The following TDRD3 variants were observed in gnomAD, a reference collection of about 807,000 sequenced individuals.
TDRD3 encodes tudor domain-containing protein 3.
TDRD3 carries 45 observed loss-of-function variants against 86.7 expected under a neutral mutation model. The ratio of observed to expected loss-of-function variants is 0.52; its 90% CI spans 0.41 to 0.67. TDRD3 has a LOEUF of 0.67. TDRD3 is among the 30% of genes least tolerant of loss of function. TDRD3 has a pLI of 0.00. For missense variants in TDRD3, 814 were observed against 889.0 expected (o/e 0.92, Z 1.07); for synonymous variants, 298 against 301.7 (o/e 0.99, Z 0.13).
chr13:60,514,144 G>A (rs1046486877), intron 10 of TDRD3, among the ~76,000 whole-genome samples: 2 of 152,190 alleles, frequency 1.3e-5, no homozygotes, highest in Middle Eastern at 3.2e-3. Flanking sequence ...TGAGGAATTT[G>A]TTGGGAACTG....
In TDRD3 at chr13:60,529,145, T is replaced by G. The variant is rs911531723; in HGVS notation, c.1920T>G (p.Ser640=). 1 of 1,613,768 alleles carries G rather than the reference T, an allele frequency of 6.2e-7. No individual in the cohort carries two copies. Among genetic ancestry groups the G allele is most frequent in the African/African-American group, 1.3e-5 (1 of 74,924 alleles). ...AGCCAGAAAAAATACTAGAATCATCTATTCCTATGGAGTATGCAAAAATGT... is the reference window on the plus strand; with the variant it reads ...AGCCAGAAAAAATACTAGAATCATCGATTCCTATGGAGTATGCAAAAATGT... ...PIKPEKILES[S]IPMEYAKMWK... is the part of the protein sequence containing the mutation. Residue 640 remains serine, a synonymous_variant, in exon 11 of 14, where the codon TCT becomes TCG. Coordinates refer to ENST00000377881, the MANE Select transcript of TDRD3 (RefSeq NM_001146070.2).
chr13:60,501,584 T>G (rs942971798), intron 8 of TDRD3, among the ~76,000 whole-genome samples: 1 of 152,226 alleles, frequency 6.6e-6, no homozygotes, highest in African/African-American at 2.4e-5. Context: ...TGCTTAAACT[T>G]TCCTACTTGT....
chr13:60,447,199 A>G (rs1243489801), intron 3 of TDRD3, among the ~76,000 whole-genome samples: 8 of 152,208 alleles, frequency 5.3e-5, no homozygotes, highest in Non-Finnish European at 1.2e-4. Flanking sequence ...AATATACAAT[A>G]GACTATTTCA....
intron 10 of TDRD3, among the ~76,000 whole-genome samples, chr13:60,520,820 C>G (rs942886545): frequency 2.6e-5 from 1 of 38,550 alleles, no homozygotes; most frequent in African/African-American, 1.1e-4. Context: ...CAAGGTCACA[C>G]AGCTGCTCAG....
intron 4 of TDRD3, among the ~76,000 whole-genome samples, chr13:60,465,685 T>C (rs1439651953): frequency 6.6e-6 from 1 of 152,172 alleles, no homozygotes; most frequent in Non-Finnish European, 1.5e-5. Flanking sequence ...TTCTTAATAA[T>C]TATTTTATTA....
chr13:60,562,897 A>G (rs1384557592), intron 12 of TDRD3, among the ~76,000 whole-genome samples: 1 of 152,058 alleles, frequency 6.6e-6, no homozygotes, highest in African/African-American at 2.4e-5. Context: ...GCTCTTCACA[A>G]AGTTATGACT....
intron 12 of TDRD3, among the ~76,000 whole-genome samples, chr13:60,556,507 C>T (rs1041179991): frequency 3.9e-5 from 6 of 152,108 alleles, no homozygotes; most frequent in East Asian, 1.9e-4. Context: ...TAATTCTCTA[C>T]AAATTTAGAA....
At chr13:60,483,911 G>A (rs1956372851) in intron 6 of TDRD3, 65 bp downstream of exon 6, 1 of 1,490,954 alleles carries the variant, frequency 6.7e-7, no homozygotes, top group East Asian at 2.3e-5. Context: ...TAGCATTCAA[G>A]CTGTGTTTCA....
At chr13:60,548,700 CACTTTGAA>C (rs1488291837) in intron 12 of TDRD3, among the ~76,000 whole-genome samples, 2 of 152,058 alleles carry the variant, frequency 1.3e-5, no homozygotes, top group Non-Finnish European at 2.9e-5. Flanking sequence ...CAGTAAAATA[CACTTTGAA>C]ATTTACCAAT....
intron 8 of TDRD3, among the ~76,000 whole-genome samples, chr13:60,497,985 G>A (rs770949856): frequency 6.6e-6 from 1 of 151,860 alleles, no homozygotes; most frequent in Non-Finnish European, 1.5e-5. Context: ...TGCAGCTCGG[G>A]GGGTTAAAAA....
chr13:60,439,598 T>A (rs1458654339), intron 1 of TDRD3, 90 bp from the exon 2 acceptor site: 29 of 916,054 alleles, frequency 3.2e-5, no homozygotes, highest in Non-Finnish European at 5.0e-6. Context: ...AGAAGCACTT[T>A]ATAGTAGAAA....
At chr13:60,539,747 T>A (rs1047641585) in intron 12 of TDRD3, among the ~76,000 whole-genome samples, 1 of 151,912 alleles carries the variant, frequency 6.6e-6, no homozygotes, top group African/African-American at 2.4e-5. Flanking sequence ...CTATAAATTA[T>A]TCCATCACTA....
At chr13:60,416,188 C>G (rs999407388) in intron 1 of TDRD3, among the ~76,000 whole-genome samples, 11 of 152,012 alleles carry the variant, frequency 7.2e-5, no homozygotes, top group African/African-American at 2.7e-4. Flanking sequence ...TGACTCTTTT[C>G]AATAATTAAG....
intron 10 of TDRD3, among the ~76,000 whole-genome samples, chr13:60,527,341 A>G (rs1728288283): frequency 6.6e-6 from 1 of 152,182 alleles, no homozygotes; most frequent in Non-Finnish European, 1.5e-5. Flanking sequence ...CTGTAGGCCA[A>G]TGAAGTTAAT....
At chr13:60,473,164 G>A (rs1015980506) in intron 5 of TDRD3, among the ~76,000 whole-genome samples, 2 of 152,168 alleles carry the variant, frequency 1.3e-5, no homozygotes, top group African/African-American at 4.8e-5. Flanking sequence ...CATGGTGGAA[G>A]GACAAGTAAG....
intron 3 of TDRD3, among the ~76,000 whole-genome samples, chr13:60,446,326 G>T (rs1172528544): frequency 6.6e-6 from 1 of 152,028 alleles, no homozygotes; most frequent in African/African-American, 2.4e-5. Context: ...GGGTTCAGTT[G>T]ATTCTCCTGC....
At chr13:60,519,455 A>G (rs1242113704) in intron 10 of TDRD3, among the ~76,000 whole-genome samples, 2 of 152,210 alleles carry the variant, frequency 1.3e-5, no homozygotes, top group African/African-American at 4.8e-5. Context: ...TTTATCAACA[A>G]GAGAGCCATA....
intron 12 of TDRD3, among the ~76,000 whole-genome samples, chr13:60,562,876 A>G (rs1287262644): frequency 6.6e-6 from 1 of 152,092 alleles, no homozygotes; most frequent in Non-Finnish European, 1.5e-5. Context: ...CAACCAAATA[A>G]TGTATCACTG....
At chr13:60,410,888 TACTCATTC>T (rs1954349045) in intron 1 of TDRD3, among the ~76,000 whole-genome samples, 1 of 152,212 alleles carries the variant, frequency 6.6e-6, no homozygotes, top group Non-Finnish European at 1.5e-5. Flanking sequence ...CCTGTTTAAT[TACTCATTC>T]ATCAAAAGTC....
Sources: gnomAD v4.1 joint callset for allele counts (sites outside exome capture counted in the v4.1 genomes callset) on GRCh38, gnomAD v4.1.1 for gene constraint, MANE v1.5 for transcripts, NCBI Gene and HGNC (gene_info 2026-07-23, HGNC 2026-07-21) for gene names.